The following KCNN3 variants were observed in gnomAD, a reference collection of about 807,000 sequenced individuals.
KCNN3 encodes the protein small conductance calcium-activated potassium channel protein 3.
In KCNN3, 16 loss-of-function variants were observed where a neutral mutation model predicts 62.9. The observed-to-expected ratio is 0.25, with a 90% CI of 0.17 to 0.39. KCNN3 has a LOEUF of 0.39. Among genes scored for constraint, KCNN3 ranks in the 10% least tolerant of loss-of-function variants. The pLI is 1.00. For missense variants in KCNN3, 599 were observed against 949.4 expected, an observed-to-expected ratio of 0.63 and a Z score of 4.85; for synonymous variants, 370 against 389.2, an observed-to-expected ratio of 0.95 and a Z score of 0.58.
At chr1:154,810,334 T>C (rs957096355) in intron 2 of KCNN3, among the ~76,000 whole-genome samples, 2 of 152,070 alleles carry the variant, frequency 1.3e-5, no homozygotes, top group African/African-American at 4.8e-5. Flanking sequence ...CTGGGGACTA[T>C]CAGGGACACT....
At chr1:154,813,930 GC>G (rs1254009319) in intron 2 of KCNN3, among the ~76,000 whole-genome samples, 1 of 152,240 alleles carries the variant, frequency 6.6e-6, no homozygotes, top group African/African-American at 2.4e-5. Flanking sequence ...AAAGGGTTAA[GC>G]CCAAGTGTTT....
intron 3 of KCNN3, among the ~76,000 whole-genome samples, chr1:154,760,013 C>A (rs1210626844): frequency 6.7e-6 from 1 of 148,616 alleles, no homozygotes; most frequent in Non-Finnish European, 1.5e-5. Flanking sequence ...CTTTCTTTTC[C>A]TTCTTTCTTT....
rs1293393866 is a variant in KCNN3 at position 154,702,793 on chromosome 1, C to CCTAA, written c.*5179_*5182dup. 1 of 135,412 alleles carries CCTAA rather than the reference C, an allele frequency of 7.4e-6. No homozygotes were observed. The highest frequency in any genetic ancestry group is 2.3e-4 in the East Asian group (1 of 4,338). 8.4% of individuals were successfully genotyped at this position (135,412 alleles called of 1,614,324 possible). On this transcript the variant is annotated 3_prime_UTR_variant, in exon 8 of 8. Transcript: ENST00000271915. ...ATAAATGTCAACATCTCTTTGGGAT[C>CCTAA]CTAACTGCAGGTTGGAGTTGAATTT...
intron 2 of KCNN3, among the ~76,000 whole-genome samples, chr1:154,795,929 C>T (rs1185884330): frequency 6.6e-6 from 1 of 152,104 alleles, no homozygotes; most frequent in African/African-American, 2.4e-5. Flanking sequence ...CTCTATCTGC[C>T]CCCCTGGGGA....
intron 2 of KCNN3, among the ~76,000 whole-genome samples, chr1:154,780,400 C>G (rs1260534831): frequency 6.6e-6 from 1 of 150,524 alleles, no homozygotes. Flanking sequence ...AAAACTTTCA[C>G]TCTTGCACAA....
At chr1:154,727,175 G>A (rs1042587894) in intron 4 of KCNN3, among the ~76,000 whole-genome samples, 7 of 152,088 alleles carry the variant, frequency 4.6e-5, no homozygotes, top group African/African-American at 9.7e-5. Context: ...GCCCTGCGCC[G>A]CCCTGACCAC....
chr1:154,817,703 T>C (rs2101890578), intron 2 of KCNN3, among the ~76,000 whole-genome samples: 1 of 152,322 alleles, frequency 6.6e-6, no homozygotes, highest in Middle Eastern at 3.4e-3. Flanking sequence ...CCTTCCAGGA[T>C]GGCACCAGGG....
At chr1:154,795,425 C>T (rs1443126880) in intron 2 of KCNN3, among the ~76,000 whole-genome samples, 2 of 152,226 alleles carry the variant, frequency 1.3e-5, no homozygotes, top group African/African-American at 4.8e-5. Flanking sequence ...CTACTGATCA[C>T]AACGTGGTAA....
intron 3 of KCNN3, among the ~76,000 whole-genome samples, chr1:154,748,233 C>G (rs1286429428): frequency 6.6e-6 from 1 of 152,128 alleles, no homozygotes; most frequent in East Asian, 1.9e-4. Flanking sequence ...CTCACAGCTG[C>G]TGTCTGTCTG....
chr1:154,812,403 C>T (rs572851814), intron 2 of KCNN3, among the ~76,000 whole-genome samples: 2 of 151,988 alleles, frequency 1.3e-5, no homozygotes, highest in African/African-American at 4.8e-5. Flanking sequence ...CGCTATCCCT[C>T]CCCCATCCCC....
At position 154,752,260 on chromosome 1, in the gene KCNN3, A is replaced by G. The variant is rs1167910039; in HGVS notation, c.1449-19116T>C. On this transcript the variant is annotated intron_variant, in intron 3 of 7. Transcript: ENST00000271915. ...CAAGCAATGGCACAATTCTCCACAGACTTTCAGAAAACATAATTATCCTCT... is the reference window on the plus strand; with the variant it reads ...CAAGCAATGGCACAATTCTCCACAGGCTTTCAGAAAACATAATTATCCTCT... Among the ~76,000 whole-genome samples the G allele has an allele frequency of 2.0e-5, 3 of 152,138 alleles. No individual in the cohort carries two copies. In the East Asian group the frequency reaches 5.8e-4, roughly 29 times the overall value.
At chr1:154,793,113 G>A (rs1433623193) in intron 2 of KCNN3, among the ~76,000 whole-genome samples, 1 of 152,160 alleles carries the variant, frequency 6.6e-6, no homozygotes, top group East Asian at 1.9e-4. Flanking sequence ...AGATGGACAG[G>A]TCAATCAGAA....
Position 154,707,817 on chromosome 1 carries a change from C to T in KCNN3, c.*159G>A, listed in dbSNP as rs775312185. 9 of 820,408 alleles carry T rather than the reference C, an allele frequency of 1.1e-5. No individual in the cohort carries two copies. Among genetic ancestry groups the T allele is most frequent in the African/African-American group, 1.7e-5 (1 of 58,522 alleles). 50.8% of individuals were successfully genotyped at this position (820,408 alleles called of 1,614,324 possible). On this transcript the variant is annotated 3_prime_UTR_variant, in exon 8 of 8. Transcript: ENST00000271915. ...TTAGATTTCTGGTTTCAAGGCATGT[C>T]GGACCAAGCACGCTGAATGAACATG...
At chr1:154,843,533 AG>A (rs1361946577) in intron 1 of KCNN3, among the ~76,000 whole-genome samples, 3 of 152,110 alleles carry the variant, frequency 2.0e-5, no homozygotes, top group African/African-American at 7.2e-5. Context: ...CCCAAAGTGC[AG>A]GGATTACAAG....
intron 1 of KCNN3, among the ~76,000 whole-genome samples, chr1:154,827,101 A>C (rs1488242479): frequency 1.3e-5 from 2 of 152,254 alleles, no homozygotes; most frequent in Admixed American, 1.3e-4. Flanking sequence ...CCTGCCTGAC[A>C]TCACTATGTT....
chr1:154,736,997 A>G (rs1196344555), intron 3 of KCNN3: 2 of 701,188 alleles, frequency 2.9e-6, no homozygotes, highest in Non-Finnish European at 2.6e-6. Flanking sequence ...CCTGCTCTCC[A>G]GTGGCTTGGA....
chr1:154,837,317 T>G (rs1457045064), intron 1 of KCNN3, among the ~76,000 whole-genome samples: 6 of 152,150 alleles, frequency 3.9e-5, no homozygotes, highest in Non-Finnish European at 8.8e-5. Context: ...TTCTTTTTTT[T>G]GCATTTTAGT....
intron 1 of KCNN3, among the ~76,000 whole-genome samples, chr1:154,825,856 G>A (rs1651090166): frequency 6.6e-6 from 1 of 151,196 alleles, no homozygotes. Context: ...AGACCATCCT[G>A]GCTAACACAG....
rs1303548824 is a variant in KCNN3 at position 154,700,808 on chromosome 1, A to G, written c.*7168T>C. On this transcript the variant is annotated 3_prime_UTR_variant, in exon 8 of 8. Coordinates refer to ENST00000271915, the MANE Select transcript of KCNN3 (RefSeq NM_002249.6). ...ACAGAGTGAGACTCCATCTCAAAAT[A>G]ATAATAATAATAATTTTAAAAAAGA... 1 of 152,022 alleles carries G rather than the reference A, an allele frequency of 6.6e-6. No homozygotes were observed. The highest frequency in any genetic ancestry group is 1.5e-5 in the Non-Finnish European group (1 of 67,998). 9.4% of individuals were successfully genotyped at this position (152,022 alleles called of 1,614,324 possible).
Sources: gnomAD v4.1 joint callset for allele counts (sites outside exome capture counted in the v4.1 genomes callset) on GRCh38, gnomAD v4.1.1 for gene constraint, MANE v1.5 for transcripts, NCBI Gene and HGNC (gene_info 2026-07-23, HGNC 2026-07-21) for gene names.